GPR160: variants seen among roughly 807,000 people sequenced by gnomAD.
GPR160 encodes probable G protein-coupled receptor 160.
GPR160 carries 2 observed loss-of-function variants against 2.6 expected under a neutral mutation model. The observed-to-expected ratio is 0.77, with a 90% CI of 0.32 to 2.44. The LOEUF (loss-of-function observed/expected upper bound fraction) is 2.44, where lower values mean the gene tolerates loss of function less well. Ranked by LOEUF, GPR160 falls within the 30% of genes most tolerant of loss-of-function variation. The probability of loss-of-function intolerance (pLI) is 0.11; values close to 1 mark genes in which losing one functional copy is unlikely to be tolerated. For missense variants in GPR160, 351 were observed against 383.6 expected (o/e 0.91, Z 0.71); for synonymous variants, 130 against 132.2 (o/e 0.98, Z 0.12).
chr3:170,062,759 C>A, intron 2 of GPR160: 4 of 929,952 alleles, frequency 4.3e-6, no homozygotes, highest in South Asian at 1.3e-5. Context: ...TCCCAAGGAG[C>A]TCCAGGAAGG....
rs376273365 is a variant in GPR160 at position 170,074,225 on chromosome 3, C to T, written c.-192-5549C>T. Among the ~76,000 whole-genome samples, 14 of 151,938 alleles carry T rather than the reference C, an allele frequency of 9.2e-5. 1 individual carries two copies. Among genetic ancestry groups the T allele is most frequent in the South Asian group, 6.3e-4 (3 of 4,794 alleles). On this transcript the variant is annotated intron_variant, in intron 2 of 3. Coordinates refer to ENST00000355897, the MANE Select transcript of GPR160 (RefSeq NM_014373.3). ...TAGAGCTATTTAGGGATCTTTTGGACGGAGTTTCGGTAGTGTCTTTCCAGA... is the reference window on the plus strand; with the variant it reads ...TAGAGCTATTTAGGGATCTTTTGGATGGAGTTTCGGTAGTGTCTTTCCAGA...
At chr3:170,044,316 C>A in intron 2 of GPR160, among the ~76,000 whole-genome samples, 1 of 67,174 alleles carries the variant, frequency 1.5e-5, no homozygotes, top group South Asian at 5.6e-4. Context: ...AAGAGCGAAA[C>A]TCCATCTCAA....
chr3:170,056,741 T>C (rs975828782), intron 2 of GPR160, among the ~76,000 whole-genome samples: 1 of 152,164 alleles, frequency 6.6e-6, no homozygotes, highest in African/African-American at 2.4e-5. Context: ...CAGAATCACG[T>C]GAAGGCTAAT....
chr3:170,068,204 G>A (rs1318765296), intron 2 of GPR160, among the ~76,000 whole-genome samples: 2 of 152,160 alleles, frequency 1.3e-5, no homozygotes, highest in Non-Finnish European at 2.9e-5. Context: ...GAGTGCAGTG[G>A]TGTGATCTCG....
At chr3:170,055,973 C>T (rs1297428158) in intron 2 of GPR160, among the ~76,000 whole-genome samples, 5 of 152,356 alleles carry the variant, frequency 3.3e-5, no homozygotes, top group African/African-American at 1.2e-4. Context: ...AGCATGTTTG[C>T]TAAGCGGTCA....
chr3:170,055,040 T>C (rs1711558235), intron 2 of GPR160, among the ~76,000 whole-genome samples: 3 of 152,212 alleles, frequency 2.0e-5, no homozygotes, highest in Non-Finnish European at 4.4e-5. Context: ...GTGACCCATC[T>C]GCCTTGGCCT....
At chr3:170,056,221 T>A (rs1711637776) in intron 2 of GPR160, among the ~76,000 whole-genome samples, 1 of 152,218 alleles carries the variant, frequency 6.6e-6, no homozygotes, top group Non-Finnish European at 1.5e-5. Context: ...ATGTGTAGAA[T>A]TTGCAGTCAA....
chr3:170,052,905 G>C (rs6792681), intron 2 of GPR160, among the ~76,000 whole-genome samples: 7,335 of 152,126 alleles, frequency 0.048, 551 homozygotes, highest in African/African-American at 0.17. Context: ...GTGAAGTGGA[G>C]TTAAGGTCCT....
intron 3 of GPR160, among the ~76,000 whole-genome samples, chr3:170,081,174 C>G (rs2241292): frequency 0.11 from 17,013 of 152,212 alleles, 1,021 homozygotes; most frequent in Middle Eastern, 0.16. Flanking sequence ...TAAAACTAAG[C>G]CTTTTTTGTT....
In GPR160 at chr3:170,084,272, T is replaced by C; in HGVS notation, c.300T>C (p.Ile100=). 6.2e-7 allele frequency: 1 copy of C among 1,609,310 alleles called. No homozygotes were observed. Among genetic ancestry groups the C allele is most frequent in the Non-Finnish European group, 8.5e-7 (1 of 1,176,298 alleles). Residue 100 remains isoleucine, a synonymous_variant, in exon 4 of 4, where the codon ATT becomes ATC. Transcript: ENST00000355897. ...TKYHICLFTQ[I]ISFTYGFLHY... is the part of the protein sequence containing the mutation. ...ACCACATCTGCCTATTTACTCAAATTATTTCCTTTACTTATGGCTTTTTGC... is the reference window on the plus strand; with the variant it reads ...ACCACATCTGCCTATTTACTCAAATCATTTCCTTTACTTATGGCTTTTTGC...
In GPR160 at chr3:170,084,435, T is replaced by C; in HGVS notation, c.463T>C (p.Leu155=). 1 of 1,612,298 alleles carries C rather than the reference T, an allele frequency of 6.2e-7. No homozygotes were observed. The highest frequency in any genetic ancestry group is 8.5e-7 in the Non-Finnish European group (1 of 1,178,336). ...LIWISVLAYV[L]GDPAIYQSLK... is the part of the protein sequence containing the mutation. ...TTGGATTTCAGTCCTTGCTTATGTT[T>C]TGGGAGACCCAGCCATCTACCAAAG... Residue 155 remains leucine, a synonymous_variant, in exon 4 of 4, where the codon TTG becomes CTG. Coordinates refer to ENST00000355897, the MANE Select transcript of GPR160 (RefSeq NM_014373.3).
intron 2 of GPR160, among the ~76,000 whole-genome samples, chr3:170,068,663 G>A (rs1205637818): frequency 6.6e-6 from 1 of 152,044 alleles, no homozygotes; most frequent in Non-Finnish European, 1.5e-5. Context: ...TTTTCCAAGA[G>A]GTCTTTTTTG....
chr3:170,045,587 C>T (rs1716686589), intron 2 of GPR160, among the ~76,000 whole-genome samples: 1 of 150,504 alleles, frequency 6.6e-6, no homozygotes, highest in Non-Finnish European at 1.5e-5. Context: ...AAGATTCTGT[C>T]TCAAAAAAAA....
At chr3:170,061,471 A>G (rs919521479) in intron 2 of GPR160, among the ~76,000 whole-genome samples, 4 of 152,054 alleles carry the variant, frequency 2.6e-5, no homozygotes, top group African/African-American at 9.7e-5. Context: ...TTAAATTAAT[A>G]TTTATGGGAC....
intron 3 of GPR160, among the ~76,000 whole-genome samples, chr3:170,080,751 G>A (rs1713084517): frequency 6.6e-6 from 1 of 152,150 alleles, no homozygotes; most frequent in African/African-American, 2.4e-5. Context: ...ACCCAGGCTG[G>A]AATGCAGTGG....
At chr3:170,054,109 G>A (rs1268388284) in intron 2 of GPR160, among the ~76,000 whole-genome samples, 1 of 151,432 alleles carries the variant, frequency 6.6e-6, no homozygotes, top group African/African-American at 2.4e-5. Flanking sequence ...GTGTGTGTGT[G>A]TGTGTATGTG....
intron 3 of GPR160, among the ~76,000 whole-genome samples, chr3:170,081,730 T>A (rs1713137908): frequency 6.6e-6 from 1 of 152,042 alleles, no homozygotes; most frequent in South Asian, 2.1e-4. Flanking sequence ...CCTCCCACCC[T>A]CCTCCCTCAA....
chr3:170,043,405 A>G (rs1181153398), intron 2 of GPR160, among the ~76,000 whole-genome samples: 1 of 151,590 alleles, frequency 6.6e-6, no homozygotes, highest in Non-Finnish European at 1.5e-5. Flanking sequence ...TGGTCTCGGA[A>G]CTCTCGACCT....
intron 2 of GPR160, among the ~76,000 whole-genome samples, chr3:170,052,798 C>T (rs942496482): frequency 6.6e-6 from 1 of 152,060 alleles, no homozygotes; most frequent in African/African-American, 2.4e-5. Context: ...ATTCTTTACT[C>T]TAAGGTTGCA....
Sources: gnomAD v4.1 joint callset for allele counts (sites outside exome capture counted in the v4.1 genomes callset) on GRCh38, gnomAD v4.1.1 for gene constraint, MANE v1.5 for transcripts, NCBI Gene and HGNC (gene_info 2026-07-23, HGNC 2026-07-21) for gene names.